ADSL: variants seen among roughly 807,000 people sequenced by gnomAD.
ADSL encodes adenylosuccinate lyase, also known as adenylosuccinase.
ADSL carries 44 observed loss-of-function variants against 62.1 expected under a neutral mutation model. That is an observed-to-expected ratio of 0.71 (90% CI 0.56 to 0.91). The LOEUF (loss-of-function observed/expected upper bound fraction) is 0.91, where lower values mean the gene tolerates loss of function less well. ADSL is among the 40% of genes least tolerant of loss of function. The pLI, the probability that ADSL is intolerant of heterozygous loss-of-function variation, is 0.00. For missense variants in ADSL, 531 were observed against 627.4 expected (o/e 0.85, Z 1.64); for synonymous variants, 198 against 220.5 (o/e 0.90, Z 0.90).
chr22:40,348,407 T>C (rs916585501), intron 1 of ADSL: 2 of 398,142 alleles, frequency 5.0e-6, no homozygotes, highest in Admixed American at 4.4e-5. Context: ...GTTTTGAGAC[T>C]GGGTCTGGCT....
downstream of ADSL, among the ~76,000 whole-genome samples, chr22:40,370,040 C>T (rs1247205379): frequency 6.6e-6 from 1 of 152,052 alleles, no homozygotes; most frequent in African/African-American, 2.4e-5. Context: ...AGAAGGTACT[C>T]AGAAAATTTC....
chr22:40,372,737 A>G (rs2045833010), downstream of ADSL: 1 of 152,226 alleles, frequency 6.6e-6, no homozygotes, highest in Admixed American at 6.5e-5. Context: ...GAGTGGATGT[A>G]GGAACAGCCT....
intron 4 of ADSL, among the ~76,000 whole-genome samples, chr22:40,356,051 A>T (rs1311188407): frequency 6.6e-6 from 1 of 151,248 alleles, no homozygotes; most frequent in Non-Finnish European, 1.5e-5. Flanking sequence ...AAAAAAAAAA[A>T]ATTAGCCGGA....
At chr22:40,350,712 A>G (rs1325951742) in intron 2 of ADSL, among the ~76,000 whole-genome samples, 3 of 150,512 alleles carry the variant, frequency 2.0e-5, no homozygotes, top group Non-Finnish European at 4.4e-5. Context: ...TCTGCCTCCC[A>G]GGTTCAATTG....
At chr22:40,361,113 A>C (rs2044766223) in intron 7 of ADSL, 160 bp from the exon 8 acceptor site, 1 of 770,482 alleles carries the variant, frequency 1.3e-6, no homozygotes. Flanking sequence ...GAGGAGTCGG[A>C]GTAAGATACT....
At position 40,349,821 on chromosome 22, in the gene ADSL, C is replaced by G. The variant is rs1322449109; in HGVS notation, c.154-11C>G. The G allele has an allele frequency of 6.2e-7, 1 of 1,612,166 alleles. No homozygotes were observed. Among genetic ancestry groups the G allele is most frequent in the Admixed American group, 1.7e-5 (1 of 59,988 alleles). ...CTGAGACTATTTTATTTTATTTTGC[C>G]TATTCTGCAGACATTGGGTTTGCCT... On this transcript the variant is annotated splice_polypyrimidine_tract_variant and intron_variant, in intron 1 of 12. Coordinates refer to ENST00000623063, the MANE Select transcript of ADSL (RefSeq NM_000026.4).
chr22:40,364,630 C>T lies in ADSL; in HGVS notation c.1192-250C>T, dbSNP rs374032516. 3.1e-3 allele frequency: 1,910 copies of T among 625,688 alleles called. 57 individuals carry two copies. In the South Asian group the frequency reaches 0.034, roughly 11 times the overall value. 38.8% of individuals were successfully genotyped at this position (625,688 alleles called of 1,614,324 possible). A position where few individuals can be genotyped will look rare whatever the true frequency, so the allele number is the denominator to read the frequency against. Reference sequence around the variant, plus strand: ...CATTCTGTAGGAAATGAGCAGGAAACGAGCAAATGATTCATGAGGCTTTAC... The same window carrying T: ...CATTCTGTAGGAAATGAGCAGGAAATGAGCAAATGATTCATGAGGCTTTAC... On this transcript the variant is annotated intron_variant, in intron 11 of 12. Coordinates refer to ENST00000623063, the MANE Select transcript of ADSL (RefSeq NM_000026.4).
chr22:40,358,960 G>C lies in ADSL; in HGVS notation c.579G>C (p.Leu193=), dbSNP rs751928831. 4.0e-5 allele frequency: 64 copies of C among 1,614,066 alleles called. No homozygotes were observed. The highest frequency in any genetic ancestry group is 5.4e-5 in the Non-Finnish European group (64 of 1,180,046). ...LQNLKRVRDD[L]RFRGVKGTTG... Reference sequence around the variant, plus strand: ...ACTTGAAGCGTGTCCGAGATGACCTGCGCTTCCGGGGAGTAAAGGGTACCA... The same window carrying C: ...ACTTGAAGCGTGTCCGAGATGACCTCCGCTTCCGGGGAGTAAAGGGTACCA... Residue 193 remains leucine (L), a synonymous_variant, in exon 5 of 13, where the codon CTG becomes CTC. Transcript: ENST00000623063.
chr22:40,354,690 G>A (rs1358008361), intron 4 of ADSL, among the ~76,000 whole-genome samples: 2 of 152,020 alleles, frequency 1.3e-5, no homozygotes, highest in East Asian at 1.9e-4. Flanking sequence ...GGCCAATGTG[G>A]TGAAACGCTG....
chr22:40,375,933 CAG>C (rs1208858947), intron 2 of ADSL, among the ~76,000 whole-genome samples: 1 of 151,542 alleles, frequency 6.6e-6, no homozygotes, highest in African/African-American at 2.4e-5. Context: ...CCCACCTACT[CAG>C]GATGCTGAGG....
downstream of ADSL, chr22:40,370,664 G>A (rs542534521): frequency 1.3e-5 from 2 of 152,524 alleles, no homozygotes; most frequent in East Asian, 1.9e-4. Context: ...GACCCGGATT[G>A]GCGCTGAGGT....
At position 40,366,918 on chromosome 22, in the gene ADSL, CT is replaced by C. The variant is rs373780345; in HGVS notation, c.*400del. The C allele has an allele frequency of 3.4e-4, 66 of 195,768 alleles. No individual in the cohort carries two copies. In the East Asian group the frequency reaches 8.3e-3, roughly 25 times the overall value. The allele number at this position is 195,768 out of a possible 1,614,324, so 12.1% of individuals were successfully genotyped here. A position where few individuals can be genotyped will look rare whatever the true frequency, so the allele number is the denominator to read the frequency against. On this transcript the variant is annotated 3_prime_UTR_variant, in exon 13 of 13. Transcript: ENST00000623063. ...AGTGATTGAGTCAATGGTCAGATACCTTTTATTTCGGTTATTTTTGGCTAGT... is the reference window on the plus strand; with the variant it reads ...AGTGATTGAGTCAATGGTCAGATACCTTTATTTCGGTTATTTTTGGCTAGT...
chr22:40,360,298 C>T, intron 6 of ADSL, 104 bp from the exon 7 acceptor site: 2 of 889,134 alleles, frequency 2.2e-6, no homozygotes, highest in South Asian at 1.4e-5. Context: ...TGAGTTAAAG[C>T]AGTCCTCCTC....
Position 40,346,573 on chromosome 22 carries a change from C to T in ADSL, c.15C>T (p.Gly5=), listed in dbSNP as rs751781160. 30 of 1,604,914 alleles carry T rather than the reference C, an allele frequency of 1.9e-5. No homozygotes were observed. The East Asian group carries it at 2.0e-4, about 11-fold the overall frequency. The part of the protein sequence containing the change: MAAG[G]DHGSPDSYRS... Reference sequence around the variant, plus strand: ...GCAGGGTTGGGATGGCGGCTGGAGGCGATCATGGTTCGCCCGACAGCTACC... The same window carrying T: ...GCAGGGTTGGGATGGCGGCTGGAGGTGATCATGGTTCGCCCGACAGCTACC... Residue 5 remains glycine (G), a synonymous_variant, in exon 1 of 13, where the codon GGC becomes GGT. Coordinates refer to ENST00000623063, the MANE Select transcript of ADSL (RefSeq NM_000026.4).
intron 2 of ADSL, among the ~76,000 whole-genome samples, chr22:40,376,072 A>T (rs1299330107): frequency 6.6e-6 from 1 of 150,520 alleles, no homozygotes; most frequent in Admixed American, 6.6e-5. Context: ...AAAAAACAAG[A>T]TATGAAAGAA....
chr22:40,360,328 T>C (rs779297370), intron 6 of ADSL, 74 bp from the exon 7 acceptor site: 4 of 1,287,852 alleles, frequency 3.1e-6, no homozygotes, highest in Non-Finnish European at 4.5e-6. Flanking sequence ...CCTAAGTAGC[T>C]GGGACTACAG....
At chr22:40,377,207 G>C (rs1432776582) in intron 2 of ADSL, among the ~76,000 whole-genome samples, 1 of 152,234 alleles carries the variant, frequency 6.6e-6, no homozygotes, top group Non-Finnish European at 1.5e-5. Context: ...CAACTAGGTG[G>C]TAGGCACATG....
Position 40,369,240 on chromosome 22 carries a change from T to A in ADSL, c.*2718T>A, listed in dbSNP as rs1470818251. ...GATTTGACCTGGTTTCTTCCTGGAC[T>A]ATTTGAATGGGTGGATTTGTTGGTG... On this transcript the variant is annotated 3_prime_UTR_variant, in exon 13 of 13. Coordinates refer to ENST00000623063, the MANE Select transcript of ADSL (RefSeq NM_000026.4). 6.6e-6 allele frequency: 1 copy of A among 152,152 alleles called. No individual in the cohort carries two copies. The highest frequency in any genetic ancestry group is 2.4e-5 in the African/African-American group (1 of 41,424). The allele number at this position is 152,152 out of a possible 1,614,324, so 9.4% of individuals were successfully genotyped here. A position where few individuals can be genotyped will look rare whatever the true frequency, so the allele number is the denominator to read the frequency against.
intron 10 of ADSL, among the ~76,000 whole-genome samples, 176 bp from the exon 11 acceptor site, chr22:40,364,100 C>G (rs1305924697): frequency 6.6e-6 from 1 of 151,842 alleles, no homozygotes; most frequent in Non-Finnish European, 1.5e-5. Context: ...AAAAAAAATC[C>G]GAAGTCTGAG....
Sources: allele counts gnomAD v4.1 joint callset (sites outside exome capture counted in the v4.1 genomes callset), GRCh38; gene constraint gnomAD v4.1.1; transcripts MANE v1.5; gene names NCBI Gene and HGNC (gene_info 2026-07-23, HGNC 2026-07-21).